Variants in WDR72 observed in about 807,000 individuals in gnomAD.
WDR72 encodes the protein WD repeat domain 72.
WDR72 carries 120 observed loss-of-function variants against 124.2 expected under a neutral mutation model. The ratio of observed to expected loss-of-function variants is 0.97; its 90% CI spans 0.83 to 1.12. The LOEUF (loss-of-function observed/expected upper bound fraction) is 1.12. Among genes scored for constraint, WDR72 ranks in the 50% most tolerant of loss-of-function variants. WDR72 has a pLI of 0.00. For synonymous variants in WDR72, 452 were observed against 441.7 expected (o/e 1.02, Z -0.29); for missense variants, 1,387 against 1,278.8 (o/e 1.08, Z -1.29).
At chr15:53,759,698 G>A (rs2019018731), upstream of WDR72, 1 of 143,162 alleles carries the variant, frequency 7.0e-6, no homozygotes, top group South Asian at 2.3e-4. Context: ...TTAGGGTCAC[G>A]GGTACCGGCC....
At chr15:53,714,553 T>C in intron 5 of WDR72, 43 bp from the exon 6 acceptor site, 2 of 1,452,744 alleles carry the variant, frequency 1.4e-6, no homozygotes, top group Non-Finnish European at 1.9e-6. Flanking sequence ...ACCATGGATA[T>C]AATTGGGTAG....
intron 13 of WDR72, among the ~76,000 whole-genome samples, chr15:53,689,901 T>C (rs2016779302): frequency 6.6e-6 from 1 of 151,308 alleles, no homozygotes; most frequent in African/African-American, 2.4e-5. Context: ...AAATGATGAG[T>C]TCATGTCCTT....
At chr15:53,533,582 A>G (rs1892599532) in intron 18 of WDR72, among the ~76,000 whole-genome samples, 1 of 152,106 alleles carries the variant, frequency 6.6e-6, no homozygotes, top group Non-Finnish European at 1.5e-5. Context: ...GGAGCCATGG[A>G]TTTCACAGCC....
chr15:53,592,880 A>T (rs2012577000), intron 18 of WDR72, among the ~76,000 whole-genome samples: 1 of 152,150 alleles, frequency 6.6e-6, no homozygotes, highest in Non-Finnish European at 1.5e-5. Context: ...TTAATTGTAC[A>T]AGTTCTTATT....
chr15:53,535,955 A>G (rs1432157595), intron 18 of WDR72, among the ~76,000 whole-genome samples: 1 of 152,202 alleles, frequency 6.6e-6, no homozygotes, highest in Non-Finnish European at 1.5e-5. Flanking sequence ...CCCTGGCAGC[A>G]GCTTATAATG....
intron 11 of WDR72, among the ~76,000 whole-genome samples, chr15:53,703,203 C>T (rs1375394484): frequency 1.3e-5 from 2 of 152,102 alleles, no homozygotes; most frequent in African/African-American, 2.4e-5. Flanking sequence ...CGGTAGCCAC[C>T]GCGCCCAGCC....
At chr15:53,651,122 C>G (rs2015224654) in intron 14 of WDR72, among the ~76,000 whole-genome samples, 1 of 152,076 alleles carries the variant, frequency 6.6e-6, no homozygotes, top group Admixed American at 6.6e-5. Context: ...TCACACTGGC[C>G]TTTTTGACTT....
chr15:53,663,091 AAAATAAATAAAT>A, intron 14 of WDR72, among the ~76,000 whole-genome samples: 1 of 148,038 alleles, frequency 6.8e-6, no homozygotes, highest in African/African-American at 2.5e-5. Flanking sequence ...CCTGCCTCTA[AAAATAAATAAAT>A]AAATAAATAA....
At chr15:53,632,343 A>C (rs1230055073) in intron 14 of WDR72, among the ~76,000 whole-genome samples, 1 of 152,118 alleles carries the variant, frequency 6.6e-6, no homozygotes, top group African/African-American at 2.4e-5. Context: ...GAAGATGTGC[A>C]GAATGCAAGA....
chr15:53,601,608 A>G (rs1325764980), intron 17 of WDR72, among the ~76,000 whole-genome samples: 8 of 146,296 alleles, frequency 5.5e-5, no homozygotes, highest in Non-Finnish European at 1.2e-4. Flanking sequence ...CGTCTTCAAG[A>G]TAACATGTCA....
intron 13 of WDR72, among the ~76,000 whole-genome samples, chr15:53,672,158 C>T (rs993200649): frequency 2.0e-5 from 3 of 152,070 alleles, no homozygotes; most frequent in African/African-American, 7.2e-5. Flanking sequence ...CTAATAGGGG[C>T]CCTAATAAGA....
At chr15:53,529,550 C>G (rs1021728432) in intron 18 of WDR72, among the ~76,000 whole-genome samples, 1 of 151,964 alleles carries the variant, frequency 6.6e-6, no homozygotes, top group Non-Finnish European at 1.5e-5. Flanking sequence ...GAGGCCCTTT[C>G]TGAATTAAGG....
At chr15:53,713,937 T>C (rs754401997) in intron 6 of WDR72, among the ~76,000 whole-genome samples, 3 of 152,156 alleles carry the variant, frequency 2.0e-5, no homozygotes, top group African/African-American at 7.2e-5. Flanking sequence ...CCAGAACTCC[T>C]TGGGGAAGCC....
upstream of WDR72, chr15:53,762,670 C>T (rs1595894994): frequency 6.6e-6 from 1 of 152,214 alleles, no homozygotes; most frequent in Admixed American, 6.5e-5. Context: ...AGAGCCTTCT[C>T]CATAGTTTTC....
chr15:53,563,394 T>A (rs900875568), intron 18 of WDR72, among the ~76,000 whole-genome samples: 4 of 151,826 alleles, frequency 2.6e-5, no homozygotes, highest in South Asian at 2.1e-4. Flanking sequence ...ATGTACTTCA[T>A]TTGAGCTGTT....
chr15:53,615,857 T>C lies in WDR72; in HGVS notation c.2349A>G (p.Ser783=), dbSNP rs560525261. Residue 783 remains serine (S), a synonymous_variant, in exon 15 of 20, where the codon TCA becomes TCG. Transcript: ENST00000360509. ...KISKKMQPKP[S]RKVDASLTID... ...TTGTGAGACTGGCATCTACTTTTCT[T>C]GATGGCTTAGGCTGCATTTTTTTGG... The C allele has an allele frequency of 4.3e-6, 7 of 1,613,682 alleles. 1 individual carries two copies. The Admixed American group carries it at 5.0e-5, about 12-fold the overall frequency.
chr15:53,665,479 G>A (rs2015745610), intron 14 of WDR72, 93 bp downstream of exon 14: 1 of 1,397,010 alleles, frequency 7.2e-7, no homozygotes, highest in Non-Finnish European at 1.0e-6. Flanking sequence ...TTGTTTTCAT[G>A]CTGATACTTA....
intron 14 of WDR72, among the ~76,000 whole-genome samples, chr15:53,654,601 C>T (rs960318969): frequency 1.3e-5 from 2 of 152,176 alleles, no homozygotes; most frequent in African/African-American, 4.8e-5. Flanking sequence ...GTGAAGCAAA[C>T]CATCATCTGA....
intron 14 of WDR72, among the ~76,000 whole-genome samples, chr15:53,618,437 T>C (rs1292522183): frequency 6.6e-6 from 1 of 152,058 alleles, no homozygotes; most frequent in Non-Finnish European, 1.5e-5. Context: ...AATTTATTAC[T>C]TTTATTGCCT....
Sources: allele counts gnomAD v4.1 joint callset (sites outside exome capture counted in the v4.1 genomes callset), GRCh38; gene constraint gnomAD v4.1.1; transcripts MANE v1.5; gene names NCBI Gene and HGNC (gene_info 2026-07-23, HGNC 2026-07-21).